The following KDM4C variants were observed in gnomAD, a reference collection of about 807,000 sequenced individuals.
The protein encoded by KDM4C is lysine-specific demethylase 4C.
A neutral mutation model predicts 129.3 loss-of-function variants in KDM4C; 81 were observed. That is an observed-to-expected ratio of 0.63 (90% CI 0.52 to 0.75). The LOEUF is 0.75. Ranked by LOEUF, KDM4C falls within the 30% of genes least tolerant of loss-of-function variation. The pLI, the probability that KDM4C is intolerant of heterozygous loss-of-function variation, is 0.00. For synonymous variants in KDM4C, 573 were observed against 456.1 expected, an observed-to-expected ratio of 1.26 and a Z score of -3.26; for missense variants, 1,457 against 1,304.0, an observed-to-expected ratio of 1.12 and a Z score of -1.81.
Position 6,842,890 on chromosome 9 carries a change from T to C in KDM4C, c.436-6617T>C, listed in dbSNP as rs1837228379. 1.3e-5 allele frequency among the ~76,000 whole-genome samples: 2 copies of C among 152,176 alleles called. 1 individual carries two copies. The highest frequency in any genetic ancestry group is 1.3e-4 in the Admixed American group (2 of 15,272). ...GAGTTTGTAAGTCCTGCTTTATTAC[T>C]CAGCTCTCCACTTCCTGCTGTGTTC... On this transcript the variant is annotated intron_variant, in intron 4 of 21. Coordinates refer to ENST00000381309, the MANE Select transcript of KDM4C (RefSeq NM_015061.6).
chr9:7,075,351 T>G (rs962481264), intron 17 of KDM4C, among the ~76,000 whole-genome samples: 1 of 152,188 alleles, frequency 6.6e-6, no homozygotes, highest in Non-Finnish European at 1.5e-5. Context: ...AAATTCATGT[T>G]GAAACTCGAT....
chr9:7,003,415 G>A (rs925181869), intron 12 of KDM4C, among the ~76,000 whole-genome samples: 1 of 151,010 alleles, frequency 6.6e-6, no homozygotes, highest in Non-Finnish European at 1.5e-5. Flanking sequence ...CTCAGAGGTA[G>A]CATAATTATC....
chr9:6,844,563 A>G lies in KDM4C; in HGVS notation c.436-4944A>G, dbSNP rs189760894. 3.9e-5 allele frequency among the ~76,000 whole-genome samples: 6 copies of G among 152,362 alleles called. No individual in the cohort carries two copies. In the East Asian group the frequency reaches 9.6e-4, roughly 24 times the overall value. ...TGGTCAAATGATTTTTGGGAAATGC[A>G]GAGTTAAACGAAGTTACACAGGTTT... On this transcript the variant is annotated intron_variant, in intron 4 of 21. Coordinates refer to ENST00000381309, the MANE Select transcript of KDM4C (RefSeq NM_015061.6).
At chr9:6,960,282 ATTT>A (rs34061929) in intron 8 of KDM4C, among the ~76,000 whole-genome samples, 2 of 143,230 alleles carry the variant, frequency 1.4e-5, no homozygotes, top group African/African-American at 2.6e-5. Context: ...AATGTTTTTA[ATTT>A]TTTTTTTTTT....
chr9:7,087,184 A>G (rs772897386), intron 17 of KDM4C, among the ~76,000 whole-genome samples: 1 of 151,808 alleles, frequency 6.6e-6, no homozygotes, highest in East Asian at 1.9e-4. Context: ...GCGTTTAGGC[A>G]TATAACTCAG....
intron 15 of KDM4C, among the ~76,000 whole-genome samples, chr9:7,024,953 G>A (rs1167280232): frequency 6.6e-6 from 1 of 152,182 alleles, no homozygotes; most frequent in Non-Finnish European, 1.5e-5. Context: ...CCCACCAACA[G>A]TGTAAAAGTG....
At chr9:6,982,410 A>G (rs1299715727) in intron 9 of KDM4C, 2 of 152,142 alleles carry the variant, frequency 1.3e-5, no homozygotes, top group Non-Finnish European at 2.9e-5. Flanking sequence ...GTCAGGACCA[A>G]CATTTTAAAA....
chr9:7,103,829 G>T lies in KDM4C; in HGVS notation c.2569G>T (p.Val857Leu). The change falls in exon 18 of 22, where the codon GTG (valine) becomes TTG (leucine). Residue 857 changes from valine to leucine, a missense_variant. Transcript: ENST00000381309. ...LMEPDDWPYV[V>L]NITCFRHKVN... ...GGAGCCTGATGACTGGCCTTATGTGGTGAACATTACATGCTTTCGACATAA... is the reference window on the plus strand; with the variant it reads ...GGAGCCTGATGACTGGCCTTATGTGTTGAACATTACATGCTTTCGACATAA... 6.2e-7 allele frequency: 1 copy of T among 1,614,010 alleles called. No individual in the cohort carries two copies. The highest frequency in any genetic ancestry group is 8.5e-7 in the Non-Finnish European group (1 of 1,179,940).
intron 4 of KDM4C, among the ~76,000 whole-genome samples, chr9:6,832,154 C>T (rs1030054994): frequency 6.6e-5 from 10 of 151,752 alleles, no homozygotes; most frequent in Non-Finnish European, 1.3e-4. Flanking sequence ...CTGGCTAACA[C>T]GGTGAAACCC....
At chr9:7,114,563 C>G (rs924208827) in intron 18 of KDM4C, among the ~76,000 whole-genome samples, 1 of 152,110 alleles carries the variant, frequency 6.6e-6, no homozygotes, top group Non-Finnish European at 1.5e-5. Flanking sequence ...GAAATATTTA[C>G]CTAAATTTTT....
At chr9:6,949,337 C>G (rs1164163492) in intron 8 of KDM4C, among the ~76,000 whole-genome samples, 1 of 150,992 alleles carries the variant, frequency 6.6e-6, no homozygotes, top group Non-Finnish European at 1.5e-5. Context: ...GGATGGCGGC[C>G]GGGAAGAGGC....
At chr9:6,737,765 A>G (rs1817572164) in intron 1 of KDM4C, among the ~76,000 whole-genome samples, 1 of 152,080 alleles carries the variant, frequency 6.6e-6, no homozygotes, top group South Asian at 2.1e-4. Context: ...CAACATCACT[A>G]ATCGTTAAAG....
intron 4 of KDM4C, among the ~76,000 whole-genome samples, chr9:6,836,191 C>T (rs754917577): frequency 2.6e-5 from 4 of 152,084 alleles, no homozygotes; most frequent in Non-Finnish European, 5.9e-5. Context: ...GTGGCTCACG[C>T]CTGTAATCCC....
At chr9:6,927,087 T>TTGTC (rs1822715753) in intron 8 of KDM4C, among the ~76,000 whole-genome samples, 1 of 121,092 alleles carries the variant, frequency 8.3e-6, no homozygotes, top group South Asian at 2.9e-4. Context: ...TCAAAAAAAA[T>TTGTC]TTTCTATCTA....
intron 6 of KDM4C, among the ~76,000 whole-genome samples, chr9:6,886,156 G>A (rs1845224404): frequency 6.6e-6 from 1 of 152,064 alleles, no homozygotes; most frequent in African/African-American, 2.4e-5. Flanking sequence ...ATCTTGTTGT[G>A]TGGACATGGC....
At chr9:7,052,901 G>GAGAGAGAGAGAGAGCGAGAGAA (rs71315575) in intron 17 of KDM4C, among the ~76,000 whole-genome samples, 1 of 150,492 alleles carries the variant, frequency 6.6e-6, no homozygotes, top group African/African-American at 2.4e-5. Context: ...GAGAGAGAGA[G>GAGAGAGAGAGAGAGCGAGAGAA]CGAGCGAGTG....
chr9:7,035,670 A>G (rs1827516825), intron 15 of KDM4C, among the ~76,000 whole-genome samples: 1 of 152,018 alleles, frequency 6.6e-6, no homozygotes, highest in Non-Finnish European at 1.5e-5. Flanking sequence ...GTATAGGGTG[A>G]GAAGTGGGAG....
chr9:7,144,778 G>A (rs1842068130), intron 19 of KDM4C, among the ~76,000 whole-genome samples: 1 of 152,258 alleles, frequency 6.6e-6, no homozygotes, highest in African/African-American at 2.4e-5. Context: ...TGTGGACACA[G>A]CCTCCACACT....
chr9:7,101,874 T>A (rs1416139297), intron 17 of KDM4C, among the ~76,000 whole-genome samples: 3 of 152,228 alleles, frequency 2.0e-5, no homozygotes, highest in Non-Finnish European at 4.4e-5. Flanking sequence ...ATTAGATTCT[T>A]GAAAGATTGA....
Sources: allele counts gnomAD v4.1 joint callset (sites outside exome capture counted in the v4.1 genomes callset), GRCh38; gene constraint gnomAD v4.1.1; transcripts MANE v1.5; gene names NCBI Gene and HGNC (gene_info 2026-07-23, HGNC 2026-07-21).